WDR27: variants seen among roughly 807,000 people sequenced by gnomAD.
WDR27 encodes the protein WD repeat-containing protein 27.
WDR27 carries 100 observed loss-of-function variants against 114.4 expected under a neutral mutation model. The observed-to-expected ratio is 0.87, with a 90% CI of 0.74 to 1.03. WDR27 has a LOEUF of 1.03. WDR27 is among the 50% of genes least tolerant of loss of function. The pLI is 0.00. For synonymous variants in WDR27, 449 were observed against 423.1 expected, an observed-to-expected ratio of 1.06 and a Z score of -0.75; for missense variants, 1,129 against 1,092.9, an observed-to-expected ratio of 1.03 and a Z score of -0.47.
intron 2 of WDR27, among the ~76,000 whole-genome samples, chr6:169,687,046 T>G (rs1461828028): frequency 6.6e-6 from 1 of 151,990 alleles, no homozygotes; most frequent in Non-Finnish European, 1.5e-5. Flanking sequence ...AGTTAGATAG[T>G]AAGAATAAGT....
chr6:169,528,146 A>C (rs1277440576), intron 25 of WDR27, among the ~76,000 whole-genome samples: 1 of 152,244 alleles, frequency 6.6e-6, no homozygotes, highest in East Asian at 1.9e-4. Context: ...TGTGCAATGT[A>C]AAGTTAGAAA....
intron 25 of WDR27, among the ~76,000 whole-genome samples, chr6:169,469,901 C>T (rs1040199930): frequency 2.0e-5 from 3 of 152,232 alleles, no homozygotes; most frequent in African/African-American, 7.2e-5. Flanking sequence ...TTTAGCCACA[C>T]CCTTAGTGGT....
intron 25 of WDR27, among the ~76,000 whole-genome samples, chr6:169,534,039 C>T (rs1795932866): frequency 6.6e-6 from 1 of 152,172 alleles, no homozygotes. Flanking sequence ...TCACAGGTGG[C>T]TTTATTAGGT....
intron 21 of WDR27, among the ~76,000 whole-genome samples, chr6:169,631,033 CT>C (rs1324636042): frequency 2.6e-5 from 4 of 152,188 alleles, no homozygotes; most frequent in African/African-American, 9.6e-5. Context: ...ACCAACAGTG[CT>C]GCCTAGTCTC....
chr6:169,576,483 G>T (rs1445656706), intron 24 of WDR27, among the ~76,000 whole-genome samples: 2 of 152,188 alleles, frequency 1.3e-5, no homozygotes, highest in Non-Finnish European at 2.9e-5. Flanking sequence ...TTCAGACCAG[G>T]CATGGTGGCA....
chr6:169,692,212 A>G (rs1192758160), intron 1 of WDR27, among the ~76,000 whole-genome samples: 3 of 152,230 alleles, frequency 2.0e-5, no homozygotes, highest in African/African-American at 2.4e-5. Context: ...AGGCACTCCT[A>G]GTCTCCAGCT....
chr6:169,679,148 T>C lies in WDR27; in HGVS notation c.190-6752A>G, dbSNP rs576858848. Among the ~76,000 whole-genome samples, 67 of 152,328 alleles carry C rather than the reference T, an allele frequency of 4.4e-4. No individual in the cohort carries two copies. In the South Asian group the frequency reaches 0.013, roughly 30 times the overall value. Reference sequence around the variant, plus strand: ...CTTTGAGTGGTCTCGCCTTTCTGAATGAAATCAATGTATTTCTTAAGTGTA... The same window carrying C: ...CTTTGAGTGGTCTCGCCTTTCTGAACGAAATCAATGTATTTCTTAAGTGTA... On this transcript the variant is annotated intron_variant, in intron 2 of 25. Coordinates refer to ENST00000448612, the MANE Select transcript of WDR27 (RefSeq NM_182552.5).
At chr6:169,560,879 T>G (rs143584627) in intron 25 of WDR27, among the ~76,000 whole-genome samples, 1 of 152,254 alleles carries the variant, frequency 6.6e-6, no homozygotes, top group African/African-American at 2.4e-5. Context: ...GATCGTATAA[T>G]CCAACACCTA....
the WDR27 span, chr6:169,426,971 A>G: frequency 0.81 from 110,157 of 136,226 alleles, 44,791 homozygotes; most frequent in African/African-American, 0.85. Flanking sequence ...TGGTGGGGGC[A>G]GTGGGGGGGG....
chr6:169,692,120 A>G (rs1343408566), intron 1 of WDR27, among the ~76,000 whole-genome samples: 1 of 152,234 alleles, frequency 6.6e-6, no homozygotes, highest in Non-Finnish European at 1.5e-5. Context: ...CAGGAGAAGG[A>G]TGTAACCTTA....
chr6:169,512,128 T>G (rs1412130910), intron 25 of WDR27, among the ~76,000 whole-genome samples: 2 of 152,200 alleles, frequency 1.3e-5, no homozygotes, highest in South Asian at 2.1e-4. Flanking sequence ...GAAGTCAAAC[T>G]GACAAAATAT....
the WDR27 span, among the ~76,000 whole-genome samples, chr6:169,429,432 T>TTC: frequency 6.8e-6 from 1 of 146,440 alleles, no homozygotes; most frequent in Non-Finnish European, 1.5e-5. Context: ...ACTGAGTCCT[T>TTC]TTTTTTTTTT....
chr6:169,660,298 C>T (rs1417006044), intron 10 of WDR27, among the ~76,000 whole-genome samples: 2 of 152,134 alleles, frequency 1.3e-5, no homozygotes, highest in Non-Finnish European at 2.9e-5. Flanking sequence ...GCCGGGTTTA[C>T]GCTGTGCGAG....
chr6:169,636,370 C>T lies in WDR27; in HGVS notation c.2003+1G>A. On this transcript the variant is annotated splice_donor_variant, in intron 19 of 25. Transcript: ENST00000448612. LOFTEE classifies it high-confidence loss of function. Reference sequence around the variant, plus strand: ...TAATGCACAGGGCGGGGGGTGCCTACCTCTTAATCTCATCTTTGCAAGTGT... The same window carrying T: ...TAATGCACAGGGCGGGGGGTGCCTATCTCTTAATCTCATCTTTGCAAGTGT... The T allele has an allele frequency of 6.2e-7, 1 of 1,613,488 alleles. No individual in the cohort carries two copies. The highest frequency in any genetic ancestry group is 1.7e-5 in the Admixed American group (1 of 59,938).
At chr6:169,596,269 G>A (rs1014217686) in intron 23 of WDR27, among the ~76,000 whole-genome samples, 3 of 151,820 alleles carry the variant, frequency 2.0e-5, no homozygotes, top group African/African-American at 4.8e-5. Flanking sequence ...CTCTTTTACC[G>A]AACTTCTATA....
chr6:169,491,410 T>C (rs1407831261), intron 25 of WDR27, among the ~76,000 whole-genome samples: 1 of 152,146 alleles, frequency 6.6e-6, no homozygotes, highest in East Asian at 1.9e-4. Flanking sequence ...TTTACAGTTA[T>C]ATTATTCAAT....
At chr6:169,696,534 GAGAGCCCACGGTCAT>G (rs1219174141) in intron 1 of WDR27, among the ~76,000 whole-genome samples, 3 of 152,358 alleles carry the variant, frequency 2.0e-5, no homozygotes, top group African/African-American at 7.2e-5. Context: ...TTTGGGGTCA[GAGAGCCCACGGTCAT>G]AGGAGAAAGA....
the WDR27 span, among the ~76,000 whole-genome samples, chr6:169,443,638 A>G: frequency 6.6e-6 from 1 of 152,194 alleles, no homozygotes; most frequent in East Asian, 1.9e-4. Context: ...AGGGACCTGG[A>G]TGACACACAT....
intron 15 of WDR27, among the ~76,000 whole-genome samples, 157 bp from the exon 16 acceptor site, chr6:169,648,027 T>C (rs1821246372): frequency 6.6e-6 from 1 of 152,222 alleles, no homozygotes; most frequent in Non-Finnish European, 1.5e-5. Flanking sequence ...ATTTAGACTC[T>C]TATATTCAAA....
Sources: gnomAD v4.1 joint callset for allele counts (sites outside exome capture counted in the v4.1 genomes callset) on GRCh38, gnomAD v4.1.1 for gene constraint, MANE v1.5 for transcripts, NCBI Gene and HGNC (gene_info 2026-07-23, HGNC 2026-07-21) for gene names.